Variants in SLC36A1 observed in about 807,000 individuals in gnomAD.
SLC36A1 encodes solute carrier family 36 member 1.
In SLC36A1, 30 loss-of-function variants were observed where a neutral mutation model predicts 47.5. The observed-to-expected ratio is 0.63, with a 90% CI of 0.47 to 0.86. The LOEUF (loss-of-function observed/expected upper bound fraction) is 0.86, where lower values mean the gene tolerates loss of function less well. Ranked by LOEUF, SLC36A1 falls within the 40% of genes least tolerant of loss-of-function variation. SLC36A1 has a pLI of 0.00. For missense variants in SLC36A1, 517 were observed against 606.0 expected (o/e 0.85, Z 1.54); for synonymous variants, 255 against 249.7 (o/e 1.02, Z -0.20).
At chr5:151,510,132 C>T in the SLC36A1 span, 1 of 1,614,170 alleles carries the variant, frequency 6.2e-7, no homozygotes, top group South Asian at 1.1e-5. Context: ...TCCTTGTTCA[C>T]AGTGCTTCCC....
At position 151,467,981 on chromosome 5, in the gene SLC36A1, C is replaced by T. The variant is rs532564403; in HGVS notation, c.723+56C>T. The T allele has an allele frequency of 1.8e-3, 2,600 of 1,456,666 alleles. 6 individuals carry two copies. The highest frequency in any genetic ancestry group is 2.3e-3 in the Non-Finnish European group (2,386 of 1,049,304). The allele number at this position is 1,456,666 out of a possible 1,614,324, so 90.2% of individuals were successfully genotyped here. ...GGTTCAATATTTTAAAAAAGCCAGG[C>T]GTGGTAGCTCATGCCTGTAATCCCA... On this transcript the variant is annotated intron_variant, in intron 7 of 10. Coordinates refer to ENST00000243389, the MANE Select transcript of SLC36A1 (RefSeq NM_078483.4).
At chr5:151,436,759 G>A (rs943833241), upstream of SLC36A1, among the ~76,000 whole-genome samples, 1 of 152,054 alleles carries the variant, frequency 6.6e-6, no homozygotes, top group Admixed American at 6.5e-5. Flanking sequence ...ACGTTTGGTA[G>A]GAGAAAGGTA....
chr5:151,461,133 A>G (rs1170575331), intron 2 of SLC36A1, among the ~76,000 whole-genome samples: 5 of 149,090 alleles, frequency 3.4e-5, no homozygotes, highest in Non-Finnish European at 5.9e-5. Flanking sequence ...GACTACAGGC[A>G]TGCTCCTGGC....
intron 2 of SLC36A1, among the ~76,000 whole-genome samples, chr5:151,462,780 T>TTAA (rs1359357855): frequency 1.5e-5 from 2 of 133,436 alleles, no homozygotes; most frequent in Non-Finnish European, 2.9e-5. Flanking sequence ...GGGGCTTCTG[T>TTAA]TATTATTATT....
the SLC36A1 span, among the ~76,000 whole-genome samples, chr5:151,378,900 A>G: frequency 6.6e-6 from 1 of 152,260 alleles, no homozygotes. Flanking sequence ...GCACTCACCC[A>G]GCAGGCTGGA....
chr5:151,408,518 C>A, the SLC36A1 span, among the ~76,000 whole-genome samples: 3 of 152,160 alleles, frequency 2.0e-5, no homozygotes, highest in East Asian at 5.8e-4. Flanking sequence ...ATTAATTTTA[C>A]AAAGAAGCAT....
the SLC36A1 span, among the ~76,000 whole-genome samples, chr5:151,384,257 G>A: frequency 6.6e-6 from 1 of 152,100 alleles, no homozygotes; most frequent in Admixed American, 6.6e-5. Flanking sequence ...CCGGGTGTTG[G>A]CTCTAGAAGC....
At chr5:151,474,065 C>G (rs1386835909) in intron 8 of SLC36A1, among the ~76,000 whole-genome samples, 2 of 146,454 alleles carry the variant, frequency 1.4e-5, no homozygotes, top group East Asian at 4.1e-4. Flanking sequence ...GAGGCTGAGG[C>G]AGGAGAATTG....
the SLC36A1 span, among the ~76,000 whole-genome samples, chr5:151,405,343 C>CTTTTT: frequency 6.5e-4 from 55 of 85,252 alleles, 1 homozygote; most frequent in East Asian, 6.3e-3. Context: ...CTCTCTTTCT[C>CTTTTT]TTTTTTTTTT....
the SLC36A1 span, among the ~76,000 whole-genome samples, chr5:151,521,028 A>G: frequency 1.3e-5 from 2 of 152,266 alleles, no homozygotes; most frequent in Admixed American, 6.5e-5. Flanking sequence ...GCTCTTAGCC[A>G]TGATGTTAAA....
intron 1 of SLC36A1, among the ~76,000 whole-genome samples, chr5:151,455,379 A>G (rs943063025): frequency 2.0e-5 from 3 of 152,144 alleles, no homozygotes; most frequent in Non-Finnish European, 2.9e-5. Context: ...GCAGTTGCTT[A>G]GCCACATCTT....
the SLC36A1 span, among the ~76,000 whole-genome samples, chr5:151,363,345 T>C: frequency 3.9e-5 from 6 of 152,224 alleles, no homozygotes; most frequent in Admixed American, 3.3e-4. Context: ...TTCAAACACT[T>C]GGTGCTGGGC....
the SLC36A1 span, among the ~76,000 whole-genome samples, chr5:151,369,447 C>G: frequency 6.6e-6 from 1 of 152,238 alleles, no homozygotes; most frequent in Non-Finnish European, 1.5e-5. Context: ...CAAATTCAAG[C>G]TGGTCAAGTA....
At chr5:151,554,742 T>C in the SLC36A1 span, 5 of 1,178,584 alleles carry the variant, frequency 4.2e-6, no homozygotes, top group Non-Finnish European at 6.1e-6. Context: ...TTTAACAACC[T>C]GGAAATAGTA....
chr5:151,348,568 A>G, the SLC36A1 span, among the ~76,000 whole-genome samples: 3 of 152,204 alleles, frequency 2.0e-5, no homozygotes, highest in African/African-American at 7.2e-5. Context: ...CCTCCCTTAC[A>G]TGGGGCTCTT....
chr5:151,371,741 A>T, the SLC36A1 span, among the ~76,000 whole-genome samples: 7 of 152,190 alleles, frequency 4.6e-5, no homozygotes, highest in Non-Finnish European at 7.4e-5. Flanking sequence ...TTAGTTTTTT[A>T]AAAAAATATT....
intron 3 of SLC36A1, among the ~76,000 whole-genome samples, chr5:151,463,919 A>ATGGCTC (rs1410876802): frequency 1.3e-5 from 2 of 152,192 alleles, no homozygotes; most frequent in African/African-American, 4.8e-5. Flanking sequence ...ATGTACTGAG[A>ATGGCTC]TGGCTCGAGC....
chr5:151,389,594 C>G, the SLC36A1 span, among the ~76,000 whole-genome samples: 15 of 135,198 alleles, frequency 1.1e-4, no homozygotes, highest in Middle Eastern at 4.2e-3. Context: ...GTGTGTGATG[C>G]TCCCCTTCCT....
At chr5:151,507,947 A>G in the SLC36A1 span, among the ~76,000 whole-genome samples, 2 of 152,152 alleles carry the variant, frequency 1.3e-5, no homozygotes, top group African/African-American at 4.8e-5. Flanking sequence ...CTCTCTAGCA[A>G]TGATGTCAGG....
Sources: allele counts gnomAD v4.1 joint callset (sites outside exome capture counted in the v4.1 genomes callset), GRCh38; gene constraint gnomAD v4.1.1; transcripts MANE v1.5; gene names NCBI Gene and HGNC (gene_info 2026-07-23, HGNC 2026-07-21).